Variants in TSPAN9 observed in about 807,000 individuals in gnomAD.
The protein encoded by TSPAN9 is tetraspanin 9.
In TSPAN9, 16 loss-of-function variants were observed where a neutral mutation model predicts 31.0. That is an observed-to-expected ratio of 0.52 (90% confidence interval 0.35 to 0.78). TSPAN9 has a LOEUF of 0.78. Among genes scored for constraint, TSPAN9 ranks in the 30% least tolerant of loss-of-function variants. The probability of loss-of-function intolerance (pLI) is 0.01; values close to 1 mark genes in which losing one functional copy is unlikely to be tolerated. For missense variants in TSPAN9, 272 were observed against 312.5 expected, an observed-to-expected ratio of 0.87 and a Z score of 0.98; for synonymous variants, 145 against 121.6, an observed-to-expected ratio of 1.19 and a Z score of -1.27.
At chr12:3,203,527 G>T (rs143039847) in intron 3 of TSPAN9, among the ~76,000 whole-genome samples, 62 of 152,350 alleles carry the variant, frequency 4.1e-4, no homozygotes, top group African/African-American at 1.4e-3. Flanking sequence ...CGTTACGGTT[G>T]ATAGCGAGAG....
chr12:3,081,728 A>G (rs1680697066), intron 1 of TSPAN9, among the ~76,000 whole-genome samples: 1 of 151,740 alleles, frequency 6.6e-6, no homozygotes, highest in South Asian at 2.1e-4. Context: ...TATTTTGGGA[A>G]GCTGATGTGG....
At chr12:3,215,599 G>A (rs1336398064) in intron 3 of TSPAN9, among the ~76,000 whole-genome samples, 1 of 152,190 alleles carries the variant, frequency 6.6e-6, no homozygotes, top group Non-Finnish European at 1.5e-5. Flanking sequence ...GTTCCCTGGG[G>A]AATTTCTCCA....
chr12:3,235,822 G>A (rs572911033), intron 3 of TSPAN9, among the ~76,000 whole-genome samples: 50 of 152,356 alleles, frequency 3.3e-4, no homozygotes, highest in African/African-American at 1.1e-3. Flanking sequence ...TTGCCTGTGT[G>A]GGGGGACAGC....
chr12:3,283,217 A>C lies in TSPAN9; in HGVS notation c.*101A>C, dbSNP rs1591725580. 1.6e-6 allele frequency: 2 copies of C among 1,269,162 alleles called. No individual in the cohort carries two copies. The highest frequency in any genetic ancestry group is 1.9e-5 in the Admixed American group (1 of 51,502). 78.6% of individuals were successfully genotyped at this position (1,269,162 alleles called of 1,614,324 possible). A position where few individuals can be genotyped will look rare whatever the true frequency, so the allele number is the denominator to read the frequency against. Reference sequence around the variant, plus strand: ...TGCGCTCTCCAGATATGACCCCTGCACCCACCCCCCACAGCCTGCCCTACC... The same window carrying C: ...TGCGCTCTCCAGATATGACCCCTGCCCCCACCCCCCACAGCCTGCCCTACC... On this transcript the variant is annotated 3_prime_UTR_variant, in exon 9 of 9. Coordinates refer to ENST00000011898, the MANE Select transcript of TSPAN9 (RefSeq NM_006675.5).
intron 3 of TSPAN9, among the ~76,000 whole-genome samples, chr12:3,263,882 G>C (rs563906379): frequency 4.0e-4 from 61 of 152,354 alleles, no homozygotes; most frequent in African/African-American, 1.4e-3. Context: ...ACAGTGCAAA[G>C]GGAAGAGGAA....
intron 2 of TSPAN9, among the ~76,000 whole-genome samples, chr12:3,159,209 A>T (rs1423770774): frequency 6.6e-6 from 1 of 151,472 alleles, no homozygotes; most frequent in African/African-American, 2.4e-5. Flanking sequence ...AGTAGAAAGC[A>T]CACTAGATTG....
rs191035995 is a variant in TSPAN9 at position 3,202,877 on chromosome 12, C to T, written c.63+1621C>T. 1.5e-3 allele frequency among the ~76,000 whole-genome samples: 221 copies of T among 152,324 alleles called. 4 individuals are homozygous for T. Among genetic ancestry groups the T allele is most frequent in the Admixed American group, 0.011 (164 of 15,310 alleles). On this transcript the variant is annotated intron_variant, in intron 3 of 8. Coordinates refer to ENST00000011898, the MANE Select transcript of TSPAN9 (RefSeq NM_006675.5). The stretch of plus-strand genomic sequence containing the variant: ...ATTCTTTTTCTGGTGGCAAGCACCA[C>T]TGGAATGTCTCTGGCTGCCTTGTGG...
intron 2 of TSPAN9, among the ~76,000 whole-genome samples, chr12:3,141,241 G>A (rs2098334702): frequency 1.3e-5 from 2 of 152,106 alleles, no homozygotes; most frequent in Non-Finnish European, 2.9e-5. Flanking sequence ...GCTCCTTGGT[G>A]CCAGAACCTT....
In TSPAN9 at chr12:3,283,249, A is replaced by G. The variant is rs547391300; in HGVS notation, c.*133A>G. The G allele has an allele frequency of 5.5e-4, 466 of 851,508 alleles. 1 individual carries two copies. In the African/African-American group the frequency reaches 7.4e-3, roughly 14 times the overall value. The allele number at this position is 851,508 out of a possible 1,614,324, so 52.7% of individuals were successfully genotyped here. On this transcript the variant is annotated 3_prime_UTR_variant, in exon 9 of 9. Transcript: ENST00000011898. The stretch of plus-strand genomic sequence containing the variant: ...CCCCACAGCCTGCCCTACCCCACCT[A>G]CCCTGCCTCAGCCTCGGACTTCTCA...
chr12:3,207,904 A>G (rs1349441286), intron 3 of TSPAN9, among the ~76,000 whole-genome samples: 7 of 152,224 alleles, frequency 4.6e-5, no homozygotes, highest in Admixed American at 1.3e-4. Context: ...TTACATGAAC[A>G]AAGCCCCTCC....
intron 2 of TSPAN9, among the ~76,000 whole-genome samples, chr12:3,182,992 C>T (rs562822032): frequency 2.3e-4 from 35 of 152,298 alleles, no homozygotes; most frequent in South Asian, 1.0e-3. Context: ...GACTGAGGCT[C>T]GGAATACTGG....
At chr12:3,214,093 C>G (rs1239049661) in intron 3 of TSPAN9, among the ~76,000 whole-genome samples, 3 of 152,246 alleles carry the variant, frequency 2.0e-5, no homozygotes, top group African/African-American at 7.2e-5. Flanking sequence ...GGGCAAACTG[C>G]TTCTGTCTCT....
chr12:3,219,057 C>T (rs750972940), intron 3 of TSPAN9, among the ~76,000 whole-genome samples: 12 of 152,152 alleles, frequency 7.9e-5, no homozygotes, highest in Non-Finnish European at 1.8e-4. Context: ...AAATACAGAG[C>T]GATGTGCCAG....
intron 3 of TSPAN9, among the ~76,000 whole-genome samples, chr12:3,227,831 C>G (rs1267066600): frequency 6.6e-6 from 1 of 152,184 alleles, no homozygotes; most frequent in Non-Finnish European, 1.5e-5. Context: ...AGGGCTGGTC[C>G]TGCTCGGGTA....
At chr12:3,238,776 CA>C (rs1385383698) in intron 3 of TSPAN9, among the ~76,000 whole-genome samples, 3 of 152,226 alleles carry the variant, frequency 2.0e-5, no homozygotes, top group Non-Finnish European at 4.4e-5. Flanking sequence ...CTGACAGCAG[CA>C]GCAGATGCAC....
chr12:3,276,800 G>A (rs570549880), intron 3 of TSPAN9, among the ~76,000 whole-genome samples: 105 of 152,322 alleles, frequency 6.9e-4, no homozygotes, highest in Non-Finnish European at 1.1e-3. Flanking sequence ...TTGGAGAACA[G>A]GGCCTGGCAC....
rs1207626352 is a variant in TSPAN9, at chr12:3,207,243, G to A, written c.63+5987G>A. Among the ~76,000 whole-genome samples the A allele has an allele frequency of 2.6e-5, 4 of 151,864 alleles. 1 individual carries two copies. In the South Asian group the frequency reaches 6.2e-4, roughly 24 times the overall value. ...TTGCTGTGTCACTCGGGCTCAAGCT[G>A]TCACTGTAGGTAATCCAGCTTCAGA... On this transcript the variant is annotated intron_variant, in intron 3 of 8. Coordinates refer to ENST00000011898, the MANE Select transcript of TSPAN9 (RefSeq NM_006675.5).
intron 2 of TSPAN9, among the ~76,000 whole-genome samples, chr12:3,142,735 T>C (rs7308849): frequency 0.2 from 30,197 of 152,258 alleles, 3,152 homozygotes; most frequent in Non-Finnish European, 0.23. Flanking sequence ...CCTGTGCATA[T>C]GTGCTCTTGC....
At chr12:3,209,976 AAAAAAAAAAATT>A (rs2098377600) in intron 3 of TSPAN9, among the ~76,000 whole-genome samples, 4 of 88,972 alleles carry the variant, frequency 4.5e-5, no homozygotes, top group South Asian at 8.2e-4. Context: ...AAAAAAAAAA[AAAAAAAAAAATT>A]AGCCGGGTGT....
Sources: allele counts gnomAD v4.1 joint callset (sites outside exome capture counted in the v4.1 genomes callset), GRCh38; gene constraint gnomAD v4.1.1; transcripts MANE v1.5; gene names NCBI Gene and HGNC (gene_info 2026-07-23, HGNC 2026-07-21).